The following PTPN13 variants were observed in gnomAD, a reference collection of about 807,000 sequenced individuals.
The protein encoded by PTPN13 is tyrosine-protein phosphatase non-receptor type 13.
Under a neutral mutation model 284.0 loss-of-function variants are expected in PTPN13, and 191 were observed. The ratio of observed to expected loss-of-function variants is 0.67; its 90% CI spans 0.60 to 0.76. PTPN13 has a LOEUF of 0.76. PTPN13 is among the 30% of genes least tolerant of loss of function. PTPN13 has a pLI of 0.00. For synonymous variants in PTPN13, 986 were observed against 1,022.3 expected (o/e 0.96, Z 0.68); for missense variants, 2,797 against 2,939.9 (o/e 0.95, Z 1.12).
chr4:86,761,244 C>T (rs1738658943), intron 23 of PTPN13, among the ~76,000 whole-genome samples: 1 of 149,940 alleles, frequency 6.7e-6, no homozygotes, highest in African/African-American at 2.4e-5. Context: ...ACTGCTTACT[C>T]AACATATTCT....
chr4:86,689,034 C>T lies in PTPN13; in HGVS notation c.390C>T (p.Ser130=), dbSNP rs765646303. The part of the protein sequence containing the change: ...QPIKLGDHLN[S]ILLGMCEDVI... ...TTAAGCTTGGAGATCATCTCAACAGCATACTGCTTGGAATGTGTGAGGATG... is the reference window on the plus strand; with the variant it reads ...TTAAGCTTGGAGATCATCTCAACAGTATACTGCTTGGAATGTGTGAGGATG... Residue 130 remains serine (S), a synonymous_variant, in exon 5 of 48, where the codon AGC becomes AGT. Transcript: ENST00000411767. 66 of 1,577,896 alleles carry T rather than the reference C, an allele frequency of 4.2e-5. No individual in the cohort carries two copies. The highest frequency in any genetic ancestry group is 5.3e-5 in the Non-Finnish European group (61 of 1,147,230).
intron 13 of PTPN13, 26 bp downstream of exon 13, chr4:86,734,482 G>C (rs1735275754): frequency 6.7e-7 from 1 of 1,499,694 alleles, no homozygotes; most frequent in Admixed American, 2.3e-5. Flanking sequence ...TTTCTCTTTT[G>C]CTCTTTTTGG....
intron 2 of PTPN13, among the ~76,000 whole-genome samples, chr4:86,650,352 C>T (rs1281303330): frequency 1.3e-5 from 2 of 152,066 alleles, no homozygotes; most frequent in Non-Finnish European, 2.9e-5. Flanking sequence ...CACTCTGTCA[C>T]CCAGGTTGGA....
At chr4:86,643,963 A>G (rs1048403319) in intron 2 of PTPN13, among the ~76,000 whole-genome samples, 22 of 152,182 alleles carry the variant, frequency 1.4e-4, no homozygotes, top group South Asian at 2.1e-4. Context: ...ATCAGGTGAC[A>G]TGATTTCAGA....
At chr4:86,652,912 G>A (rs1055554568) in intron 2 of PTPN13, among the ~76,000 whole-genome samples, 3 of 151,576 alleles carry the variant, frequency 2.0e-5, no homozygotes, top group African/African-American at 7.3e-5. Flanking sequence ...TCCAGATCTC[G>A]TAGCCATGCT....
chr4:86,636,832 C>T (rs1300599161), intron 2 of PTPN13, among the ~76,000 whole-genome samples: 3 of 151,886 alleles, frequency 2.0e-5, no homozygotes, highest in Middle Eastern at 3.4e-3. Context: ...AAAATCAGAG[C>T]AGAACTGAAG....
intron 36 of PTPN13, among the ~76,000 whole-genome samples, chr4:86,780,689 G>A (rs1361640944): frequency 6.6e-6 from 1 of 152,120 alleles, no homozygotes; most frequent in Non-Finnish European, 1.5e-5. Context: ...ACTTGTAGTA[G>A]CCAAAATTTG....
At chr4:86,745,913 C>G (rs1221940431) in intron 17 of PTPN13, among the ~76,000 whole-genome samples, 1 of 151,864 alleles carries the variant, frequency 6.6e-6, no homozygotes, top group South Asian at 2.1e-4. Context: ...AAAAATAATG[C>G]AAGTAGTTTG....
chr4:86,738,694 C>T (rs1220480462), intron 15 of PTPN13, among the ~76,000 whole-genome samples: 1 of 151,870 alleles, frequency 6.6e-6, no homozygotes, highest in Non-Finnish European at 1.5e-5. Context: ...AACATTGACT[C>T]TTTTTTTTAA....
At position 86,717,128 on chromosome 4, in the gene PTPN13, A is replaced by C; in HGVS notation, c.1385+11A>C. 1 of 1,570,344 alleles carries C rather than the reference A, an allele frequency of 6.4e-7. No individual in the cohort carries two copies. The highest frequency in any genetic ancestry group is 8.7e-7 in the Non-Finnish European group (1 of 1,143,726). ...GTCACAGAGACCGAGGTATGTCATGAAAAAGTAGTGATGATACATTTCCAG... is the reference window on the plus strand; with the variant it reads ...GTCACAGAGACCGAGGTATGTCATGCAAAAGTAGTGATGATACATTTCCAG... On this transcript the variant is annotated intron_variant, in intron 9 of 47. Transcript: ENST00000411767.
chr4:86,735,674 AG>A lies in PTPN13; in HGVS notation c.2233del (p.Glu745LysfsTer20). On this transcript the variant is annotated frameshift_variant, in exon 15 of 48. Transcript: ENST00000411767. LOFTEE classifies it high-confidence loss of function. ...AGAAACTTGATTTATCCTATATCAA[AG>A]AAGAGTTACCCAAATTGCATAATAC... ...MEKLDLSYIK[E>X]ELPKLHNTYV... 6.2e-7 allele frequency: 1 copy of A among 1,613,606 alleles called. No individual in the cohort carries two copies. The highest frequency in any genetic ancestry group is 1.3e-5 in the African/African-American group (1 of 75,048).
At chr4:86,649,159 C>A (rs1724795105) in intron 2 of PTPN13, among the ~76,000 whole-genome samples, 1 of 152,044 alleles carries the variant, frequency 6.6e-6, no homozygotes, top group Admixed American at 6.5e-5. Context: ...ATATTTCTCC[C>A]ATTCTGTGGG....
intron 10 of PTPN13, 42 bp from the exon 11 acceptor site, chr4:86,732,358 A>G (rs1735034208): frequency 7.0e-7 from 1 of 1,434,398 alleles, no homozygotes; most frequent in East Asian, 2.5e-5. Context: ...AAAAACTAGA[A>G]TAAATAGTAA....
rs1417339076 is a variant in PTPN13, at chr4:86,769,820, G to C, written c.4541G>C (p.Ser1514Thr). Reference sequence around the variant, plus strand: ...AAAAATAGCTCAGGTCTAGGATTCAGTTTTTCTCGAGAAGATAATCTTATA... The same window carrying C: ...AAAAATAGCTCAGGTCTAGGATTCACTTTTTCTCGAGAAGATAATCTTATA... ...LFKNSSGLGF[S>T]FSREDNLIPE... Residue 1514 changes from serine to threonine, a missense_variant, in exon 29 of 48, where the codon AGT becomes ACT. Ser to Thr is a moderately conservative substitution (Grantham distance 58). Transcript: ENST00000411767. 1 of 1,613,504 alleles carries C rather than the reference G, an allele frequency of 6.2e-7. No homozygotes were observed. Among genetic ancestry groups the C allele is most frequent in the South Asian group, 1.1e-5 (1 of 91,050 alleles).
Position 86,771,389 on chromosome 4 carries a change from C to A in PTPN13, c.5022C>A (p.Thr1674=). The A allele has an allele frequency of 6.4e-7, 1 of 1,569,654 alleles. No homozygotes were observed. The highest frequency in any genetic ancestry group is 8.6e-7 in the Non-Finnish European group (1 of 1,156,600). The change falls in exon 31 of 48, where the codon ACC becomes ACA. Residue 1674 remains threonine, a synonymous_variant. Transcript: ENST00000411767. ...CTCCAGCAAACATATCAAATTCGAC[C>A]TGGAGTTCAGCTTTGCATCAGACTC... ...VTAPANISNS[T]WSSALHQTLS...
chr4:86,807,742 C>G lies in PTPN13; in HGVS notation c.6928C>G (p.Gln2310Glu), dbSNP rs1224923311. The G allele has an allele frequency of 9.9e-6, 16 of 1,613,848 alleles. No homozygotes were observed. The highest frequency in any genetic ancestry group is 1.3e-5 in the Non-Finnish European group (15 of 1,179,886). The change falls in exon 45 of 48, where the codon CAA (glutamine) becomes GAA (glutamate). Residue 2310 changes from glutamine (Q) to glutamate (E), a missense_variant. Physicochemically the swap from Gln to Glu is conservative, Grantham distance 29 (BLOSUM62 2). Transcript: ENST00000411767. ...QKSTVIAMMT[Q>E]EVEGEKIKCQ... The stretch of plus-strand genomic sequence containing the variant: ...ATCCACAGTGATAGCCATGATGACT[C>G]AAGAAGTAGAAGGAGAAAAAATCAA...
chr4:86,810,025 AT>A, intron 46 of PTPN13, 41 bp downstream of exon 46: 1 of 1,518,660 alleles, frequency 6.6e-7, no homozygotes, highest in Non-Finnish European at 9.0e-7. Flanking sequence ...TTGTTCAGAA[AT>A]AATGATGGAG....
chr4:86,616,922 G>A lies in PTPN13; in HGVS notation c.-5-18330G>A, dbSNP rs540439862. ...GGCTTAATTAAGAGTCACCAAGACT[G>A]GAGTTGAGTGTGTCAGGACTGAAGG... On this transcript the variant is annotated intron_variant, in intron 1 of 47. Transcript: ENST00000411767. Among the ~76,000 whole-genome samples, 11 of 152,332 alleles carry A rather than the reference G, an allele frequency of 7.2e-5. No individual in the cohort carries two copies. In the South Asian group the frequency reaches 2.3e-3, roughly 32 times the overall value.
rs997952042 is a variant in PTPN13 at position 86,701,371 on chromosome 4, C to G, written c.765C>G (p.Phe255Leu). Reference sequence around the variant, plus strand: ...AAGATACACAAGATGAGAATTATTTCAAGGACATTTTATCAGATAATTCTG... The same window carrying G: ...AAGATACACAAGATGAGAATTATTTGAAGGACATTTTATCAGATAATTCTG... ...SIKDTQDENY[F>L]KDILSDNSGR... The change falls in exon 7 of 48, where the codon TTC becomes TTG. Residue 255 changes from phenylalanine to leucine, a missense_variant. By Grantham distance (22) the Phe-to-Leu change is conservative. Transcript: ENST00000411767. 1 of 1,612,934 alleles carries G rather than the reference C, an allele frequency of 6.2e-7. No homozygotes were observed. The highest frequency in any genetic ancestry group is 1.3e-5 in the African/African-American group (1 of 74,882).
Sources: gnomAD v4.1 joint callset for allele counts (sites outside exome capture counted in the v4.1 genomes callset) on GRCh38, gnomAD v4.1.1 for gene constraint, MANE v1.5 for transcripts, NCBI Gene and HGNC (gene_info 2026-07-23, HGNC 2026-07-21) for gene names.